EDNRB: variants seen among roughly 807,000 people sequenced by gnomAD.
EDNRB encodes the protein Hirschsprung disease 2.
A neutral mutation model predicts 46.4 loss-of-function variants in EDNRB; 18 were observed. The ratio of observed to expected loss-of-function variants is 0.39; its 90% CI spans 0.27 to 0.57. The LOEUF (loss-of-function observed/expected upper bound fraction) is 0.57. EDNRB is among the 20% of genes least tolerant of loss of function. The pLI, the probability that EDNRB is intolerant of heterozygous loss-of-function variation, is 0.61. For synonymous variants in EDNRB, 213 were observed against 204.9 expected (o/e 1.04, Z -0.34); for missense variants, 434 against 537.5 (o/e 0.81, Z 1.90).
At chr13:77,931,744 C>CAAAAAAAAAAAAAAAAA (rs67176737) in intron 1 of EDNRB, among the ~76,000 whole-genome samples, 6 of 83,450 alleles carry the variant, frequency 7.2e-5, no homozygotes, top group East Asian at 3.5e-4. Flanking sequence ...ACTGTAGTAG[C>CAAAAAAAAAAAAAAAAA]AAAAAAAAAA....
intron 1 of EDNRB, among the ~76,000 whole-genome samples, chr13:77,934,663 G>A (rs985014125): frequency 3.2e-5 from 4 of 123,096 alleles, no homozygotes; most frequent in African/African-American, 9.9e-5. Context: ...AAATCCCTGA[G>A]CTTGATGTGT....
Position 77,918,346 on chromosome 13 carries a change from C to T in EDNRB, c.228G>A (p.Arg76=). The T allele has an allele frequency of 6.2e-7, 1 of 1,613,868 alleles. No homozygotes were observed. Reference sequence around the variant, plus strand: ...TGGTGCGTGGCGGAGATCCTGCCGTCCTGTCTCCTTTAGGCACCTCCGCAG... The same window carrying T: ...TGGTGCGTGGCGGAGATCCTGCCGTTCTGTCTCCTTTAGGCACCTCCGCAG... ...LAPAEVPKGD[R]TAGSPPRTIS... is the part of the protein sequence containing the mutation. Residue 76 remains arginine (R), a synonymous_variant, in exon 1 of 7, where the codon AGG becomes AGA. Coordinates refer to ENST00000646607, the MANE Select transcript of EDNRB (RefSeq NM_001122659.3). The surrounding 1 kb of genome is among the most constrained non-coding windows in gnomAD (Gnocchi z 4.5).
At chr13:77,924,627 C>T (rs763082033), upstream of EDNRB, among the ~76,000 whole-genome samples, 1 of 152,140 alleles carries the variant, frequency 6.6e-6, no homozygotes, top group Non-Finnish European at 1.5e-5. Context: ...TGTTATGTAA[C>T]AGATCTCTGT....
chr13:77,903,714 T>C lies in EDNRB; in HGVS notation c.484-107A>G. 5.4e-6 allele frequency: 5 copies of C among 920,224 alleles called. No individual in the cohort carries two copies. The South Asian group carries it at 6.9e-5, about 13-fold the overall frequency. The allele number at this position is 920,224 out of a possible 1,614,324, so 57.0% of individuals were successfully genotyped here. Reference sequence around the variant, plus strand: ...ACATGCAGAGTAGGATAAACTCTGGTTGTCATTCTTTTTCTCATGGACTAC... The same window carrying C: ...ACATGCAGAGTAGGATAAACTCTGGCTGTCATTCTTTTTCTCATGGACTAC... On this transcript the variant is annotated intron_variant, in intron 1 of 6. Coordinates refer to ENST00000646607, the MANE Select transcript of EDNRB (RefSeq NM_001122659.3).
intron 1 of EDNRB, among the ~76,000 whole-genome samples, chr13:77,938,293 C>T (rs1054980495): frequency 6.6e-5 from 10 of 150,446 alleles, no homozygotes; most frequent in Middle Eastern, 3.4e-3. Flanking sequence ...GGGGTTGGGG[C>T]GCAGAGATTA....
At chr13:77,968,853 C>T (rs531558945) in intron 1 of EDNRB, among the ~76,000 whole-genome samples, 38 of 152,156 alleles carry the variant, frequency 2.5e-4, no homozygotes, top group African/African-American at 7.2e-4. Context: ...TAAGTTAGGC[C>T]GTTTGAGAAA....
At position 77,903,151 on chromosome 13, in the gene EDNRB, T is replaced by G. The variant is rs1315474674; in HGVS notation, c.801+5A>C. 6.2e-7 allele frequency: 1 copy of G among 1,612,484 alleles called. No homozygotes were observed. The highest frequency in any genetic ancestry group is 8.5e-7 in the Non-Finnish European group (1 of 1,179,092). On this transcript the variant is annotated splice_donor_5th_base_variant and intron_variant, in intron 3 of 6. Coordinates refer to ENST00000646607, the MANE Select transcript of EDNRB (RefSeq NM_001122659.3). ...AGAAAGGAAAATAAAAAAAGTGAAA[T>G]TTACCTGCATGAAAGCTGTCTTCTG... is the stretch of plus-strand genomic sequence containing the variant.
chr13:77,964,921 G>C (rs559687849), intron 1 of EDNRB, among the ~76,000 whole-genome samples: 20 of 152,272 alleles, frequency 1.3e-4, no homozygotes, highest in African/African-American at 4.8e-4. Context: ...ACATTTGTGA[G>C]GAAAAATAAG....
intron 1 of EDNRB, among the ~76,000 whole-genome samples, chr13:77,959,967 G>C (rs906592481): frequency 6.6e-6 from 1 of 152,170 alleles, no homozygotes; most frequent in East Asian, 1.9e-4. Flanking sequence ...ATGAAATGAA[G>C]TGAGAAGATA....
Position 77,903,156 on chromosome 13 carries a change from C to T in EDNRB, c.801G>A (p.Gln267=), listed in dbSNP as rs2137610847. 1 of 1,612,410 alleles carries T rather than the reference C, an allele frequency of 6.2e-7. No individual in the cohort carries two copies. The highest frequency in any genetic ancestry group is 1.1e-5 in the South Asian group (1 of 91,040). ...LHPVQKTAFM[Q]FYKTAKDWWL... The stretch of plus-strand genomic sequence containing the variant: ...GGAAAATAAAAAAAGTGAAATTTAC[C>T]TGCATGAAAGCTGTCTTCTGAACGG... The change falls in exon 3 of 7, where the codon CAG becomes CAA. Residue 267 remains glutamine, a splice_region_variant and synonymous_variant. Coordinates refer to ENST00000646607, the MANE Select transcript of EDNRB (RefSeq NM_001122659.3).
chr13:77,969,069 T>C (rs536728983), intron 1 of EDNRB, among the ~76,000 whole-genome samples: 1 of 152,316 alleles, frequency 6.6e-6, no homozygotes, highest in South Asian at 2.1e-4. Context: ...AAATGGCTTC[T>C]TAAAAAGCAC....
chr13:77,922,520 T>C (rs1464702360), upstream of EDNRB, among the ~76,000 whole-genome samples: 2 of 152,160 alleles, frequency 1.3e-5, no homozygotes, highest in African/African-American at 2.4e-5. Context: ...AGACAAGGTG[T>C]GCGAAAAACA....
intron 3 of EDNRB, among the ~76,000 whole-genome samples, chr13:77,901,679 C>T (rs1185905912): frequency 1.3e-5 from 2 of 151,900 alleles, no homozygotes; most frequent in Admixed American, 1.3e-4. Context: ...TAAATCTAAC[C>T]TCGCAAAAAG....
At chr13:77,920,584 TG>T (rs1384807672), upstream of EDNRB, among the ~76,000 whole-genome samples, 1 of 152,162 alleles carries the variant, frequency 6.6e-6, no homozygotes, top group African/African-American at 2.4e-5. Flanking sequence ...TCTGGGACAG[TG>T]GAAGTAGAAA....
chr13:77,952,470 G>A (rs879325216), intron 1 of EDNRB, among the ~76,000 whole-genome samples: 1 of 152,118 alleles, frequency 6.6e-6, no homozygotes. Context: ...TGGAGGCCAG[G>A]AATGCCTAAC....
chr13:77,959,004 T>C (rs891612813), intron 1 of EDNRB, among the ~76,000 whole-genome samples: 1 of 152,206 alleles, frequency 6.6e-6, no homozygotes. Flanking sequence ...GAAGGGATTG[T>C]GGAGATGACA....
Position 77,903,612 on chromosome 13 carries a change from AT to A in EDNRB, c.484-6del, listed in dbSNP as rs1879118647. ...TGGCCAGTCCTCTGCCAGCAGCTGC[AT>A]TGAGAAGACACGAAGCTCTGTTAGG... On this transcript the variant is annotated splice_region_variant and splice_polypyrimidine_tract_variant and intron_variant, in intron 1 of 6. Coordinates refer to ENST00000646607, the MANE Select transcript of EDNRB (RefSeq NM_001122659.3). 1 of 1,612,174 alleles carries A rather than the reference AT, an allele frequency of 6.2e-7. No individual in the cohort carries two copies. The highest frequency in any genetic ancestry group is 8.5e-7 in the Non-Finnish European group (1 of 1,178,852).
At position 77,896,819 on chromosome 13, in the gene EDNRB, T is replaced by C; in HGVS notation, c.*1381A>G. On this transcript the variant is annotated 3_prime_UTR_variant, in exon 7 of 7. Coordinates refer to ENST00000646607, the MANE Select transcript of EDNRB (RefSeq NM_001122659.3). ...TCTTGTACATACTTTCACACACATC[T>C]CATCCCAAGCTATCCTAAGGCACTT... 1 of 1,182,666 alleles carries C rather than the reference T, an allele frequency of 8.5e-7. No homozygotes were observed. The highest frequency in any genetic ancestry group is 1.0e-6 in the Non-Finnish European group (1 of 955,206). 73.3% of individuals were successfully genotyped at this position (1,182,666 alleles called of 1,614,324 possible).
chr13:77,929,298 A>G (rs7326641), intron 1 of EDNRB, among the ~76,000 whole-genome samples: 84,238 of 151,716 alleles, frequency 0.56, 24,122 homozygotes, highest in Middle Eastern at 0.67. Context: ...TCTATAGGAC[A>G]TAGGGAGAAG....
Sources: gnomAD v4.1 joint callset for allele counts (sites outside exome capture counted in the v4.1 genomes callset) on GRCh38, gnomAD v4.1.1 for gene constraint, Gnocchi (gnomAD v3.1) non-coding constraint, MANE v1.5 for transcripts, NCBI Gene and HGNC (gene_info 2026-07-23, HGNC 2026-07-21) for gene names.